The following SCEL variants were observed in gnomAD, a reference collection of about 807,000 sequenced individuals.
SCEL encodes sciellin.
A neutral mutation model predicts 117.6 loss-of-function variants in SCEL; 113 were observed. The ratio of observed to expected loss-of-function variants is 0.96; its 90% CI spans 0.83 to 1.12. The LOEUF is 1.12. Among genes scored for constraint, SCEL ranks in the 50% most tolerant of loss-of-function variants. SCEL has a pLI of 0.00. For missense variants in SCEL, 785 were observed against 810.8 expected, an observed-to-expected ratio of 0.97 and a Z score of 0.39; for synonymous variants, 270 against 256.2, an observed-to-expected ratio of 1.05 and a Z score of -0.51.
At position 77,645,169 on chromosome 13, in the gene SCEL, GAT is replaced by G. The variant is rs1364102140; in HGVS notation, c.*898_*899del. 6.6e-6 allele frequency: 1 copy of G among 151,910 alleles called. No individual in the cohort carries two copies. Among genetic ancestry groups the G allele is most frequent in the East Asian group, 1.9e-4 (1 of 5,188 alleles). The allele number at this position is 151,910 out of a possible 1,614,324, so 9.4% of individuals were successfully genotyped here. On this transcript the variant is annotated 3_prime_UTR_variant, in exon 33 of 33. Coordinates refer to ENST00000349847, the MANE Select transcript of SCEL (RefSeq NM_144777.3). ...AGAAGTAATGGTTATGGACTAAAAA[GAT>G]ATGTTCTTTAGTATGTTATATATAC...
intron 9 of SCEL, among the ~76,000 whole-genome samples, chr13:77,580,013 C>G (rs571106571): frequency 2.0e-5 from 3 of 152,178 alleles, no homozygotes; most frequent in East Asian, 1.9e-4. Flanking sequence ...TCCAGTAATT[C>G]CAAATCTGAT....
In SCEL at chr13:77,562,130, A is replaced by G. The variant is rs147073756; in HGVS notation, c.222-1701A>G. ...ATCAGTAGCTGTGTTAAGAGCTGCA[A>G]ACAAAACAAAGTCCCTGCTTCCACA... On this transcript the variant is annotated intron_variant, in intron 4 of 32. Transcript: ENST00000349847. 2.5e-3 allele frequency among the ~76,000 whole-genome samples: 378 copies of G among 152,308 alleles called. 2 individuals are homozygous for G. The highest frequency in any genetic ancestry group is 8.3e-3 in the African/African-American group (346 of 41,562).
intron 24 of SCEL, among the ~76,000 whole-genome samples, chr13:77,616,257 C>G (rs562146116): frequency 1.3e-5 from 2 of 151,930 alleles, no homozygotes; most frequent in Non-Finnish European, 2.9e-5. Flanking sequence ...TGTGGTTACA[C>G]TAACCAATAT....
At chr13:77,633,460 A>AAAAAAAAAAAAAAAAAAAAAAAC (rs1594187438) in intron 28 of SCEL, among the ~76,000 whole-genome samples, 1 of 145,618 alleles carries the variant, frequency 6.9e-6, no homozygotes, top group African/African-American at 2.5e-5. Context: ...AAAAAAAAAA[A>AAAAAAAAAAAAAAAAAAAAAAAC]AAAAAAGAAG....
intron 1 of SCEL, among the ~76,000 whole-genome samples, chr13:77,538,773 TTGTC>T (rs1456588625): frequency 6.6e-6 from 1 of 152,226 alleles, no homozygotes; most frequent in Non-Finnish European, 1.5e-5. Context: ...AATTTATTCT[TTGTC>T]TGTAGACCCA....
At chr13:77,575,393 A>G (rs996400220) in intron 9 of SCEL, among the ~76,000 whole-genome samples, 1 of 152,160 alleles carries the variant, frequency 6.6e-6, no homozygotes, top group Non-Finnish European at 1.5e-5. Context: ...CTTACATGTA[A>G]TTGTATGTTT....
chr13:77,637,774 A>G (rs757046498), intron 30 of SCEL, among the ~76,000 whole-genome samples: 4 of 152,240 alleles, frequency 2.6e-5, no homozygotes, highest in Middle Eastern at 3.4e-3. Flanking sequence ...ACAGCCATGC[A>G]GATGTGCTGC....
At position 77,567,681 on chromosome 13, in the gene SCEL, A is replaced by G; in HGVS notation, c.292A>G (p.Ile98Val). 6.2e-7 allele frequency: 1 copy of G among 1,604,724 alleles called. No individual in the cohort carries two copies. Among genetic ancestry groups the G allele is most frequent in the Non-Finnish European group, 8.5e-7 (1 of 1,174,900 alleles). ...RYSSDDTLDR[I>V]SDRNDAAKTY... ...CTTTTGTCTTGTTTCTTTATAAAGG[A>G]TCTCAGACAGAAATGATGCTGCTAA... The change falls in exon 6 of 33, where the codon ATC becomes GTC. Residue 98 changes from isoleucine (I) to valine (V), a missense_variant and splice_region_variant. Coordinates refer to ENST00000349847, the MANE Select transcript of SCEL (RefSeq NM_144777.3).
intron 9 of SCEL, among the ~76,000 whole-genome samples, chr13:77,588,845 CTAGATATACTAGCAA>C (rs2086707381): frequency 6.6e-6 from 1 of 152,072 alleles, no homozygotes; most frequent in African/African-American, 2.4e-5. Flanking sequence ...ATGACTAGAG[CTAGATATACTAGCAA>C]AATATTGAGT....
At chr13:77,574,341 T>C (rs967764091) in intron 9 of SCEL, among the ~76,000 whole-genome samples, 21 of 152,246 alleles carry the variant, frequency 1.4e-4, no homozygotes, top group African/African-American at 5.1e-4. Flanking sequence ...AATGTTCCTA[T>C]TTCTGATTCT....
intron 27 of SCEL, among the ~76,000 whole-genome samples, chr13:77,620,954 A>T (rs566233575): frequency 6.6e-6 from 1 of 152,292 alleles, no homozygotes; most frequent in South Asian, 2.1e-4. Context: ...CTGTTAACAT[A>T]AACTTGGGGA....
In SCEL at chr13:77,637,391, A is replaced by AAC. The variant is rs2090350770; in HGVS notation, c.1838+198_1838+199insCA. Among the ~76,000 whole-genome samples the AAC allele has an allele frequency of 9.3e-4, 116 of 124,674 alleles. 1 individual carries two copies. Among genetic ancestry groups the AAC allele is most frequent in the African/African-American group, 3.2e-3 (109 of 33,810 alleles). 81.8% of individuals were successfully genotyped at this position (124,674 alleles called of 152,430 possible). On this transcript the variant is annotated intron_variant, in intron 30 of 32. Transcript: ENST00000349847. ...ATATATAAACATATATACATATATA[A>AAC]ATATATATACATATATAAATAAATA...
chr13:77,584,974 A>G (rs1395085339), intron 9 of SCEL, among the ~76,000 whole-genome samples: 2 of 152,320 alleles, frequency 1.3e-5, no homozygotes, highest in South Asian at 2.1e-4. Flanking sequence ...CAACAGAATG[A>G]TTCAGCCAAG....
chr13:77,626,477 C>T (rs903088590), intron 27 of SCEL, among the ~76,000 whole-genome samples: 7 of 152,206 alleles, frequency 4.6e-5, no homozygotes, highest in Admixed American at 6.5e-5. Context: ...CTCTGTGTCC[C>T]CACCCAAATA....
At chr13:77,578,017 T>C (rs1238730927) in intron 9 of SCEL, among the ~76,000 whole-genome samples, 1 of 152,208 alleles carries the variant, frequency 6.6e-6, no homozygotes, top group Non-Finnish European at 1.5e-5. Context: ...ATATTCACTT[T>C]TTGAGAGGCA....
intron 10 of SCEL, 145 bp from the exon 11 acceptor site, chr13:77,591,250 A>G: frequency 3.0e-6 from 2 of 657,394 alleles, no homozygotes. Context: ...GCCAACCCAA[A>G]GAATTTAAGT....
intron 9 of SCEL, among the ~76,000 whole-genome samples, chr13:77,583,626 T>C (rs778338971): frequency 2.2e-4 from 34 of 152,208 alleles, no homozygotes; most frequent in Non-Finnish European, 3.5e-4. Context: ...TGGAAGAGAA[T>C]TGGTTGTCTA....
At chr13:77,606,761 C>T (rs571532600) in intron 19 of SCEL, among the ~76,000 whole-genome samples, 28 of 152,084 alleles carry the variant, frequency 1.8e-4, no homozygotes, top group Non-Finnish European at 3.5e-4. Flanking sequence ...ATATCTGTAT[C>T]TTTGATGTTG....
At chr13:77,609,437 A>G (rs1490357634) in intron 21 of SCEL, among the ~76,000 whole-genome samples, 1 of 152,202 alleles carries the variant, frequency 6.6e-6, no homozygotes, top group Non-Finnish European at 1.5e-5. Context: ...ACCGGACCCC[A>G]TAGTTGTGGG....
Sources: gnomAD v4.1 joint callset for allele counts (sites outside exome capture counted in the v4.1 genomes callset) on GRCh38, gnomAD v4.1.1 for gene constraint, MANE v1.5 for transcripts, NCBI Gene and HGNC (gene_info 2026-07-23, HGNC 2026-07-21) for gene names.